Variants in DOCK8 observed in about 807,000 individuals in gnomAD.
DOCK8 encodes the protein dedicator of cytokinesis protein 8.
Under a neutral mutation model 245.6 loss-of-function variants are expected in DOCK8, and 141 were observed. That is an observed-to-expected ratio of 0.57 (90% CI 0.50 to 0.66). The LOEUF is 0.66. DOCK8 is among the 30% of genes least tolerant of loss of function. DOCK8 has a pLI of 0.00. For missense variants in DOCK8, 2,965 were observed against 2,603.4 expected (o/e 1.14, Z -3.02); for synonymous variants, 1,168 against 970.2 (o/e 1.20, Z -3.79).
chr9:293,803 G>C (rs1343284836), intron 4 of DOCK8, among the ~76,000 whole-genome samples: 3 of 152,154 alleles, frequency 2.0e-5, no homozygotes, highest in Admixed American at 6.5e-5. Flanking sequence ...GGGGTTGCTG[G>C]CCATTTGTTA....
At chr9:285,748 T>A (rs922780227) in intron 2 of DOCK8, among the ~76,000 whole-genome samples, 2 of 152,172 alleles carry the variant, frequency 1.3e-5, no homozygotes, top group African/African-American at 4.8e-5. Context: ...CTGTGGAAGG[T>A]AAAATTGAAG....
chr9:276,693 G>C (rs2048360476), intron 2 of DOCK8, among the ~76,000 whole-genome samples: 1 of 152,216 alleles, frequency 6.6e-6, no homozygotes, highest in Non-Finnish European at 1.5e-5. Flanking sequence ...TATTGCCACA[G>C]CTGTGTGAAT....
rs1338814485 is a variant in DOCK8, at chr9:279,024, G to A, written c.156+7295G>A. On this transcript the variant is annotated intron_variant, in intron 2 of 47. Transcript: ENST00000432829. ...GGAAAGCAATACCGGTGCTTTGGAC[G>A]AGGGTGGTGGCAGAAGAGAAAGTGA... Among the ~76,000 whole-genome samples, 6 of 152,322 alleles carry A rather than the reference G, an allele frequency of 3.9e-5. No homozygotes were observed. The South Asian group carries it at 8.3e-4, about 21-fold the overall frequency.
chr9:329,032 C>T (rs2050890616), intron 9 of DOCK8, among the ~76,000 whole-genome samples: 1 of 148,486 alleles, frequency 6.7e-6, no homozygotes, highest in Non-Finnish European at 1.5e-5. Context: ...TCACTGCAAC[C>T]TCCACCTCCC....
intron 9 of DOCK8, among the ~76,000 whole-genome samples, chr9:328,429 T>G (rs2050859595): frequency 6.6e-6 from 1 of 152,252 alleles, no homozygotes; most frequent in Non-Finnish European, 1.5e-5. Flanking sequence ...GGCAGTTTCC[T>G]GGTCTTTCTG....
chr9:396,705 G>C, intron 24 of DOCK8, 80 bp from the exon 25 acceptor site: 1 of 1,577,514 alleles, frequency 6.3e-7, no homozygotes, highest in South Asian at 1.1e-5. Context: ...GAGCATTTCT[G>C]TGAGTCTTTC....
At chr9:268,660 C>T (rs2048089088) in intron 1 of DOCK8, among the ~76,000 whole-genome samples, 1 of 152,134 alleles carries the variant, frequency 6.6e-6, no homozygotes, top group South Asian at 2.1e-4. Flanking sequence ...TTTGAGAGCT[C>T]TTAGGGGAAG....
Position 215,510 on chromosome 9 carries a change from C to T in DOCK8, c.53+481C>T, listed in dbSNP as rs1471369678. 28 of 1,373,074 alleles carry T rather than the reference C, an allele frequency of 2.0e-5. No homozygotes were observed. In the East Asian group the frequency reaches 8.1e-4, roughly 40 times the overall value. The allele number at this position is 1,373,074 out of a possible 1,614,324, so 85.1% of individuals were successfully genotyped here. A position where few individuals can be genotyped will look rare whatever the true frequency, so the allele number is the denominator to read the frequency against. ...GCCTTCTGTCGTCCTGAGCAAGGCT[C>T]CGTCCTCGCCTGCTTCATTATTCCA... is the stretch of plus-strand genomic sequence containing the variant. On this transcript the variant is annotated intron_variant, in intron 1 of 47. Transcript: ENST00000432829.
chr9:355,244 A>AC (rs2052378703), intron 14 of DOCK8, among the ~76,000 whole-genome samples: 1 of 132,002 alleles, frequency 7.6e-6, no homozygotes, highest in East Asian at 2.2e-4. Context: ...TCGCTCTGTC[A>AC]CCAGGCTGGA....
chr9:450,607 G>A (rs1349670222), intron 45 of DOCK8, among the ~76,000 whole-genome samples: 1 of 152,078 alleles, frequency 6.6e-6, no homozygotes, highest in African/African-American at 2.4e-5. Context: ...TATTCAGTGA[G>A]CATCATGAGT....
chr9:353,988 A>T (rs962745937), intron 14 of DOCK8, among the ~76,000 whole-genome samples: 1 of 152,172 alleles, frequency 6.6e-6, no homozygotes, highest in Non-Finnish European at 1.5e-5. Flanking sequence ...TCATGTTCTT[A>T]TACTTCTTTG....
Position 465,214 on chromosome 9 carries a change from C to G in DOCK8, c.*995C>G, listed in dbSNP as rs1028687727. 1 of 152,590 alleles carries G rather than the reference C, an allele frequency of 6.6e-6. No homozygotes were observed. Among genetic ancestry groups the G allele is most frequent in the African/African-American group, 2.4e-5 (1 of 41,444 alleles). 9.5% of individuals were successfully genotyped at this position (152,590 alleles called of 1,614,324 possible). On this transcript the variant is annotated 3_prime_UTR_variant, in exon 48 of 48. Coordinates refer to ENST00000432829, the MANE Select transcript of DOCK8 (RefSeq NM_203447.4). ...TTATATATTTTTAATATGACTGTGACCTTGACTGATAATAAAGATGTAATA... is the reference window on the plus strand; with the variant it reads ...TTATATATTTTTAATATGACTGTGAGCTTGACTGATAATAAAGATGTAATA...
intron 28 of DOCK8, among the ~76,000 whole-genome samples, chr9:412,875 C>CT (rs61309869): frequency 0.42 from 60,253 of 141,960 alleles, 13,094 homozygotes; most frequent in African/African-American, 0.55. Flanking sequence ...TTCTAGCTTG[C>CT]TTTTTTTTTT....
At chr9:300,544 G>A (rs190565919) in intron 4 of DOCK8, among the ~76,000 whole-genome samples, 30 of 151,372 alleles carry the variant, frequency 2.0e-4, no homozygotes, top group Middle Eastern at 3.4e-3. Flanking sequence ...AAAGATCAAT[G>A]AAACCAAAAG....
Position 377,717 on chromosome 9 carries a change from T to A in DOCK8, c.2440+506T>A, listed in dbSNP as rs747670082. Among the ~76,000 whole-genome samples, 8 of 152,330 alleles carry A rather than the reference T, an allele frequency of 5.3e-5. 1 individual carries two copies. Among genetic ancestry groups the A allele is most frequent in the Admixed American group, 6.5e-5 (1 of 15,300 alleles). ...GTGCAATGATCGCTACAATCTAGTT[T>A]TATAACATTTTCATCACCTCCAAAT... On this transcript the variant is annotated intron_variant, in intron 20 of 47. Coordinates refer to ENST00000432829, the MANE Select transcript of DOCK8 (RefSeq NM_203447.4).
At chr9:449,667 A>C (rs2057368793) in intron 44 of DOCK8, 117 bp from the exon 45 acceptor site, 1 of 1,312,690 alleles carries the variant, frequency 7.6e-7, no homozygotes, top group Non-Finnish European at 1.1e-6. Flanking sequence ...AATTACTCTG[A>C]AAGTCTTTCC....
At chr9:414,667 G>A (rs1177015685) in intron 28 of DOCK8, 115 bp from the exon 29 acceptor site, 1 of 1,281,390 alleles carries the variant, frequency 7.8e-7, no homozygotes, top group Non-Finnish European at 1.1e-6. Context: ...TATATTGCTT[G>A]GTTTTCACAG....
chr9:286,389 T>A, intron 2 of DOCK8, 72 bp from the exon 3 acceptor site: 1 of 1,548,134 alleles, frequency 6.5e-7, no homozygotes, highest in Non-Finnish European at 8.8e-7. Context: ...AAGGCAAACA[T>A]CTACTATTGC....
intron 26 of DOCK8, among the ~76,000 whole-genome samples, chr9:400,869 TCAC>T (rs1181815515): frequency 1.9e-4 from 5 of 26,182 alleles, no homozygotes; most frequent in East Asian, 1.5e-3. Context: ...TCCTCCACCA[TCAC>T]CACCACCTCC....
Sources: gnomAD v4.1 joint callset for allele counts (sites outside exome capture counted in the v4.1 genomes callset) on GRCh38, gnomAD v4.1.1 for gene constraint, MANE v1.5 for transcripts, NCBI Gene and HGNC (gene_info 2026-07-23, HGNC 2026-07-21) for gene names.